Variants in PCNT observed in about 807,000 individuals in gnomAD.
The protein encoded by PCNT is kendrin.
PCNT carries 319 observed loss-of-function variants against 380.4 expected under a neutral mutation model. The observed-to-expected ratio is 0.84, with a 90% CI of 0.77 to 0.92. The LOEUF (loss-of-function observed/expected upper bound fraction) is 0.92, where lower values mean the gene tolerates loss of function less well. Among genes scored for constraint, PCNT ranks in the 40% least tolerant of loss-of-function variants. The pLI, the probability that PCNT is intolerant of heterozygous loss-of-function variation, is 0.00. For synonymous variants in PCNT, 1,845 were observed against 1,735.2 expected (o/e 1.06, Z -1.57); for missense variants, 4,400 against 4,255.3 (o/e 1.03, Z -0.95).
At chr21:46,443,985 G>A (rs1181790441) in intron 45 of PCNT, 37 bp downstream of exon 45, 4 of 1,603,370 alleles carry the variant, frequency 2.5e-6, no homozygotes, top group Admixed American at 3.4e-5. Flanking sequence ...CTCCTGCCAG[G>A]GCTCTCCCTC....
At chr21:46,330,099 T>C (rs895243149) in intron 2 of PCNT, among the ~76,000 whole-genome samples, 25 of 152,178 alleles carry the variant, frequency 1.6e-4, no homozygotes, top group Non-Finnish European at 1.8e-4. Context: ...TTAACCCCTA[T>C]TGGATCTTGG....
chr21:46,360,582 G>T (rs1241080294), intron 13 of PCNT, among the ~76,000 whole-genome samples: 1 of 138,220 alleles, frequency 7.2e-6, no homozygotes, highest in Admixed American at 7.9e-5. Context: ...GCAGTGGTGC[G>T]ATATCCGCCC....
In PCNT at chr21:46,421,495, A is replaced by T. The variant is rs114530870; in HGVS notation, c.7025-475A>T. ...CTCCTTGAGACCCCATGCCCACCTGACACAGGAGCTGCACCGCAGGGACCC... is the reference window on the plus strand; with the variant it reads ...CTCCTTGAGACCCCATGCCCACCTGTCACAGGAGCTGCACCGCAGGGACCC... On this transcript the variant is annotated intron_variant, in intron 31 of 46. Transcript: ENST00000359568. Among the ~76,000 whole-genome samples the T allele has an allele frequency of 3.8e-3, 572 of 152,198 alleles. 2 individuals carry two copies. The highest frequency in any genetic ancestry group is 0.013 in the African/African-American group (553 of 41,506).
intron 9 of PCNT, among the ~76,000 whole-genome samples, chr21:46,352,502 G>A (rs889261527): frequency 6.6e-6 from 1 of 152,116 alleles, no homozygotes; most frequent in Non-Finnish European, 1.5e-5. Flanking sequence ...AGAGAACCCC[G>A]ATTTGCCCTC....
intron 17 of PCNT, among the ~76,000 whole-genome samples, chr21:46,387,937 G>A (rs1156651573): frequency 5.3e-5 from 8 of 152,090 alleles, no homozygotes; most frequent in Non-Finnish European, 8.8e-5. Context: ...CCAGCCGGGC[G>A]CAGTGGCTCA....
intron 16 of PCNT, among the ~76,000 whole-genome samples, chr21:46,384,109 C>T (rs185487507): frequency 9.0e-5 from 13 of 144,068 alleles, no homozygotes; most frequent in African/African-American, 2.6e-4. Context: ...GTGGCGGAAG[C>T]GCATTCACAG....
At chr21:46,337,266 C>A (rs1414540505) in intron 3 of PCNT, among the ~76,000 whole-genome samples, 2 of 152,190 alleles carry the variant, frequency 1.3e-5, no homozygotes, top group East Asian at 3.9e-4. Flanking sequence ...TGTGGGCCAC[C>A]ACGCCCGGCC....
Position 46,353,183 on chromosome 21 carries a change from T to A in PCNT, c.1536T>A (p.His512Gln). 5.6e-6 allele frequency: 9 copies of A among 1,614,108 alleles called. No individual in the cohort carries two copies. The highest frequency in any genetic ancestry group is 7.6e-6 in the Non-Finnish European group (9 of 1,180,022). ...EQLKQREKTQ[H>Q]ESELEQLRIY... Reference sequence around the variant, plus strand: ...TGAAGCAGCGAGAAAAAACCCAGCATGAGTCCGAACTGGAGCAACTGAGGA... The same window carrying A: ...TGAAGCAGCGAGAAAAAACCCAGCAAGAGTCCGAACTGGAGCAACTGAGGA... Residue 512 changes from histidine (H) to glutamine (Q), a missense_variant, in exon 10 of 47, where the codon CAT (histidine) becomes CAA (glutamine). His to Gln is a conservative substitution (Grantham distance 24). Transcript: ENST00000359568.
At chr21:46,353,909 T>TC in intron 10 of PCNT, 78 bp from the exon 11 acceptor site, 1 of 1,253,468 alleles carries the variant, frequency 8.0e-7, no homozygotes, top group Non-Finnish European at 1.2e-6. Flanking sequence ...CTGTGAGCAG[T>TC]CGGTCCTGGG....
intron 2 of PCNT, among the ~76,000 whole-genome samples, chr21:46,327,405 TC>T (rs2083428968): frequency 6.6e-6 from 1 of 151,992 alleles, no homozygotes; most frequent in Non-Finnish European, 1.5e-5. Flanking sequence ...TCTTTTTTTT[TC>T]TTTTGTTTGT....
rs2083454239 is a variant in PCNT, at chr21:46,328,395, C to G, written c.267+1806C>G. Among the ~76,000 whole-genome samples the G allele has an allele frequency of 2.0e-5, 3 of 151,440 alleles. No individual in the cohort carries two copies. The South Asian group carries it at 6.3e-4, about 32-fold the overall frequency. On this transcript the variant is annotated intron_variant, in intron 2 of 46. Coordinates refer to ENST00000359568, the MANE Select transcript of PCNT (RefSeq NM_006031.6). ...TTCCTGCCTCAGGCTCCCAAAGTGC[C>G]AGGATTACAGGATTTCTGCCACCTT...
intron 41 of PCNT, among the ~76,000 whole-genome samples, chr21:46,439,841 G>A (rs1445557344): frequency 6.6e-6 from 1 of 151,926 alleles, no homozygotes; most frequent in Non-Finnish European, 1.5e-5. Context: ...TACCTTTTTT[G>A]CAATCATACT....
intron 18 of PCNT, 63 bp from the exon 19 acceptor site, chr21:46,389,136 C>A: frequency 6.6e-7 from 1 of 1,515,584 alleles, no homozygotes; most frequent in Non-Finnish European, 9.1e-7. Context: ...GTCGTCTTGG[C>A]TGCCATGGCC....
At chr21:46,386,377 C>T (rs955801323) in intron 17 of PCNT, among the ~76,000 whole-genome samples, 1 of 152,260 alleles carries the variant, frequency 6.6e-6, no homozygotes, top group Non-Finnish European at 1.5e-5. Flanking sequence ...GTGCTTTGGA[C>T]TGTGTGCAAG....
intron 45 of PCNT, 94 bp downstream of exon 45, chr21:46,444,042 G>A: frequency 7.3e-7 from 1 of 1,376,470 alleles, no homozygotes; most frequent in Non-Finnish European, 9.9e-7. Flanking sequence ...TTCTGGCTTT[G>A]GCCCAGCCCA....
At chr21:46,359,491 G>GTTT (rs1219693835) in intron 13 of PCNT, among the ~76,000 whole-genome samples, 1 of 66,074 alleles carries the variant, frequency 1.5e-5, no homozygotes, top group Non-Finnish European at 3.2e-5. Context: ...TTTTTTTTTT[G>GTTT]TTTTTTTTTT....
At chr21:46,427,976 A>G (rs553952279) in intron 34 of PCNT, among the ~76,000 whole-genome samples, 181 bp downstream of exon 34, 2 of 152,180 alleles carry the variant, frequency 1.3e-5, no homozygotes, top group African/African-American at 4.8e-5. Flanking sequence ...GCACTTTTCC[A>G]CCTGCAGCTG....
At chr21:46,325,327 A>G (rs1205383571) in intron 1 of PCNT, 3 of 467,350 alleles carry the variant, frequency 6.4e-6, no homozygotes, top group Non-Finnish European at 8.3e-6. Context: ...GGCGGGCAGG[A>G]GGGGAAGGGG....
intron 15 of PCNT, among the ~76,000 whole-genome samples, chr21:46,379,188 C>A (rs1601892994): frequency 6.6e-6 from 1 of 152,192 alleles, no homozygotes. Flanking sequence ...CAGGCTTTTC[C>A]TTCAGTGCTG....
Sources: gnomAD v4.1 joint callset for allele counts (sites outside exome capture counted in the v4.1 genomes callset) on GRCh38, gnomAD v4.1.1 for gene constraint, MANE v1.5 for transcripts, NCBI Gene and HGNC (gene_info 2026-07-23, HGNC 2026-07-21) for gene names.